Variants in SPIDR observed in about 807,000 individuals in gnomAD.
The protein encoded by SPIDR is scaffold protein involved in DNA repair, also known as DNA repair-scaffolding protein.
A neutral mutation model predicts 104.6 loss-of-function variants in SPIDR; 93 were observed. The observed-to-expected ratio is 0.89, with a 90% CI of 0.75 to 1.06. The LOEUF is 1.06. SPIDR is among the 50% of genes least tolerant of loss of function. The pLI is 0.00. For synonymous variants in SPIDR, 431 were observed against 416.9 expected (o/e 1.03, Z -0.41); for missense variants, 1,154 against 1,111.2 (o/e 1.04, Z -0.55).
rs1329985742 is a variant in SPIDR at position 47,291,209 on chromosome 8, G to A, written c.361+72G>A. The A allele has an allele frequency of 8.0e-6, 8 of 996,760 alleles. No homozygotes were observed. The East Asian group carries it at 2.1e-4, about 26-fold the overall frequency. 61.7% of individuals were successfully genotyped at this position (996,760 alleles called of 1,614,324 possible). On this transcript the variant is annotated intron_variant, in intron 4 of 19. Coordinates refer to ENST00000297423, the MANE Select transcript of SPIDR (RefSeq NM_001080394.4). ...ATTGTGTCCAGAAGATCAGAGTAATGAAGGTAAATTGATAATTTTGTTAGG... is the reference window on the plus strand; with the variant it reads ...ATTGTGTCCAGAAGATCAGAGTAATAAAGGTAAATTGATAATTTTGTTAGG...
At chr8:47,694,007 T>C (rs2079018218) in intron 11 of SPIDR, among the ~76,000 whole-genome samples, 1 of 152,156 alleles carries the variant, frequency 6.6e-6, no homozygotes, top group Admixed American at 6.5e-5. Flanking sequence ...CCAGAGAGAC[T>C]TCCTCAGTCT....
chr8:47,548,064 T>C (rs928971916), intron 8 of SPIDR: 1 of 152,260 alleles, frequency 6.6e-6, no homozygotes, highest in Admixed American at 6.5e-5. Context: ...TTTTTTTTAA[T>C]TTCCTGAGAC....
intron 5 of SPIDR, among the ~76,000 whole-genome samples, chr8:47,348,380 A>G (rs1396982656): frequency 1.3e-5 from 2 of 151,734 alleles, no homozygotes; most frequent in African/African-American, 2.4e-5. Context: ...TGCCCTTAAC[A>G]TTTTTTCCTT....
At chr8:47,440,642 C>T in intron 8 of SPIDR, 100 bp downstream of exon 8, 1 of 1,211,924 alleles carries the variant, frequency 8.3e-7, no homozygotes, top group Non-Finnish European at 1.1e-6. Flanking sequence ...TATCATAGAG[C>T]AATGCGAGAG....
intron 8 of SPIDR, among the ~76,000 whole-genome samples, chr8:47,502,920 G>A (rs1419905713): frequency 6.6e-6 from 1 of 152,222 alleles, no homozygotes; most frequent in Non-Finnish European, 1.5e-5. Context: ...GGAGCACGTT[G>A]TGCAGTTTCC....
chr8:47,561,485 T>C (rs1312018047), intron 8 of SPIDR, among the ~76,000 whole-genome samples: 1 of 152,234 alleles, frequency 6.6e-6, no homozygotes, highest in Non-Finnish European at 1.5e-5. Context: ...CATACTTTTC[T>C]CAGCCCGCTG....
At chr8:47,278,096 C>CTTTT (rs71225674) in intron 1 of SPIDR, among the ~76,000 whole-genome samples, 7 of 137,264 alleles carry the variant, frequency 5.1e-5, no homozygotes, top group South Asian at 2.3e-4. Flanking sequence ...TTTTCTTTCT[C>CTTTT]TTTTTTTTTT....
At chr8:47,563,790 T>A (rs924932092) in intron 8 of SPIDR, among the ~76,000 whole-genome samples, 7 of 152,202 alleles carry the variant, frequency 4.6e-5, no homozygotes, top group Non-Finnish European at 1.0e-4. Flanking sequence ...AGTTTTTAAG[T>A]CAGGTATTTG....
intron 10 of SPIDR, among the ~76,000 whole-genome samples, chr8:47,616,050 T>A (rs965399825): frequency 6.6e-6 from 1 of 152,216 alleles, no homozygotes; most frequent in African/African-American, 2.4e-5. Context: ...TTTGCTGAAG[T>A]TTTTAGCTGT....
At chr8:47,727,123 C>T (rs1056056936) in intron 16 of SPIDR, 77 bp from the exon 17 acceptor site, 27 of 1,273,860 alleles carry the variant, frequency 2.1e-5, no homozygotes, top group Non-Finnish European at 3.1e-5. Flanking sequence ...TCATGTTGTC[C>T]TCTGCACGTG....
At chr8:47,432,799 C>T (rs1053897516) in intron 7 of SPIDR, among the ~76,000 whole-genome samples, 2 of 152,144 alleles carry the variant, frequency 1.3e-5, no homozygotes, top group African/African-American at 4.8e-5. Context: ...TAACAAAGGA[C>T]TTTCCATACA....
intron 10 of SPIDR, among the ~76,000 whole-genome samples, chr8:47,601,257 C>T (rs760065628): frequency 6.6e-6 from 1 of 152,136 alleles, no homozygotes. Context: ...TGCACAATAT[C>T]GAGGCTAGAC....
chr8:47,316,852 A>G (rs1439235130), intron 5 of SPIDR, among the ~76,000 whole-genome samples: 1 of 152,222 alleles, frequency 6.6e-6, no homozygotes, highest in Non-Finnish European at 1.5e-5. Context: ...AAAAAAGTAA[A>G]TACATATTAA....
chr8:47,733,752 G>A (rs958998863), intron 19 of SPIDR, among the ~76,000 whole-genome samples: 1 of 152,008 alleles, frequency 6.6e-6, no homozygotes, highest in Non-Finnish European at 1.5e-5. Flanking sequence ...ATGTGTGAGC[G>A]AGTGAGCAGC....
chr8:47,644,985 G>A (rs2070026006), intron 10 of SPIDR, among the ~76,000 whole-genome samples: 1 of 152,202 alleles, frequency 6.6e-6, no homozygotes, highest in South Asian at 2.1e-4. Flanking sequence ...GTGTACCTGG[G>A]ATGTAGAGAT....
chr8:47,266,297 A>G (rs1179252206), intron 1 of SPIDR, among the ~76,000 whole-genome samples: 1 of 151,890 alleles, frequency 6.6e-6, no homozygotes, highest in African/African-American at 2.4e-5. Context: ...TGCCTGGCTA[A>G]TCTTTTGTAT....
intron 10 of SPIDR, among the ~76,000 whole-genome samples, chr8:47,656,624 T>C (rs1045066279): frequency 7.9e-5 from 12 of 152,268 alleles, no homozygotes; most frequent in African/African-American, 2.9e-4. Context: ...AAGTTAAACA[T>C]GGAATTACCA....
intron 5 of SPIDR, among the ~76,000 whole-genome samples, chr8:47,364,428 C>T (rs782373058): frequency 4.6e-5 from 7 of 152,188 alleles, no homozygotes; most frequent in Non-Finnish European, 1.0e-4. Flanking sequence ...AACCCTGGCT[C>T]TTGTTCCAAG....
intron 10 of SPIDR, among the ~76,000 whole-genome samples, chr8:47,657,588 A>G (rs1043963968): frequency 2.0e-5 from 3 of 152,182 alleles, no homozygotes; most frequent in Non-Finnish European, 4.4e-5. Context: ...AACAATGTCA[A>G]TATCCTAGTT....
Sources: allele counts gnomAD v4.1 joint callset (sites outside exome capture counted in the v4.1 genomes callset), GRCh38; gene constraint gnomAD v4.1.1; transcripts MANE v1.5; gene names NCBI Gene and HGNC (gene_info 2026-07-23, HGNC 2026-07-21).